Variants in CHODL observed in about 807,000 individuals in gnomAD.
CHODL encodes the protein chondrolectin.
In CHODL, 29 loss-of-function variants were observed where a neutral mutation model predicts 34.5. The ratio of observed to expected loss-of-function variants is 0.84; its 90% confidence interval spans 0.63 to 1.15. The LOEUF (loss-of-function observed/expected upper bound fraction) is 1.15, where lower values mean the gene tolerates loss of function less well. Among genes scored for constraint, CHODL ranks in the 50% most tolerant of loss-of-function variants. The pLI, the probability that CHODL is intolerant of heterozygous loss-of-function variation, is 0.00. For missense variants in CHODL, 332 were observed against 332.5 expected, an observed-to-expected ratio of 1.00 and a Z score of 0.01; for synonymous variants, 125 against 116.1, an observed-to-expected ratio of 1.08 and a Z score of -0.49.
rs1177005708 is a variant in CHODL, at chr21:18,171,198, G to GTTTTTTTTTTTTTTTTT, written c.-44-85308_-44-85292dup. ...TGTTCTTCAGACATGGTTTTCTTTA[G>GTTTTTTTTTTTTTTTTT]TTTTTTTTTTTTTTTTTTTGAGACG... On this transcript the variant is annotated intron_variant, in intron 2 of 6. Transcript: ENST00000400127. Among the ~76,000 whole-genome samples the GTTTTTTTTTTTTTTTTT allele has an allele frequency of 1.3e-4, 5 of 37,082 alleles. 2 individuals carry two copies. The highest frequency in any genetic ancestry group is 6.5e-4 in the Admixed American group (1 of 1,550). 24.3% of individuals were successfully genotyped at this position (37,082 alleles called of 152,430 possible).
At chr21:17,940,644 C>T (rs2063354977) in intron 1 of CHODL, among the ~76,000 whole-genome samples, 1 of 152,194 alleles carries the variant, frequency 6.6e-6, no homozygotes, top group Non-Finnish European at 1.5e-5. Context: ...TAAAGCTATA[C>T]ATTTATATTT....
At chr21:18,131,826 C>G (rs1001333240) in intron 2 of CHODL, among the ~76,000 whole-genome samples, 3 of 152,040 alleles carry the variant, frequency 2.0e-5, no homozygotes, top group African/African-American at 7.2e-5. Flanking sequence ...TTTTCCTGCT[C>G]TTCTTTTTTT....
At position 18,046,844 on chromosome 21, in the gene CHODL, G is replaced by A. The variant is rs114371105; in HGVS notation, c.-45+18873G>A. 7.0e-3 allele frequency among the ~76,000 whole-genome samples: 1,062 copies of A among 152,002 alleles called. 7 individuals carry two copies. Among genetic ancestry groups the A allele is most frequent in the African/African-American group, 0.023 (970 of 41,486 alleles). On this transcript the variant is annotated intron_variant, in intron 2 of 6. Coordinates refer to the CHODL transcript ENST00000400127. ...ACTCCATCAATTTATCACTGCGGTC[G>A]TTAGTTCTTGCCTTCATTTATTGTT...
rs139173903 is a variant in CHODL, at chr21:18,216,245, C to T, written c.-44-40264C>T. Among the ~76,000 whole-genome samples, 1,295 of 152,082 alleles carry T rather than the reference C, an allele frequency of 8.5e-3. 28 individuals are homozygous for T. Among genetic ancestry groups the T allele is most frequent in the African/African-American group, 0.03 (1,232 of 41,484 alleles). ...GATTAAATCAGGGTGATTGGAATAT[C>T]CATTACTTCAAATATTTATCATTTC... is the stretch of plus-strand genomic sequence containing the variant. On this transcript the variant is annotated intron_variant, in intron 2 of 6. Transcript: ENST00000400127.
intron 2 of CHODL, among the ~76,000 whole-genome samples, chr21:18,047,077 G>A (rs2064452641): frequency 6.6e-6 from 1 of 151,938 alleles, no homozygotes; most frequent in African/African-American, 2.4e-5. Flanking sequence ...CCACCAAGTA[G>A]AAGAAATGCA....
At chr21:17,948,691 C>T (rs916379554) in intron 1 of CHODL, among the ~76,000 whole-genome samples, 7 of 152,084 alleles carry the variant, frequency 4.6e-5, no homozygotes, top group Non-Finnish European at 1.0e-4. Context: ...TACAATCTAT[C>T]AAGACTGAAT....
intron 1 of CHODL, among the ~76,000 whole-genome samples, chr21:17,984,285 A>G (rs1019695973): frequency 2.0e-5 from 3 of 152,184 alleles, no homozygotes; most frequent in African/African-American, 4.8e-5. Flanking sequence ...TTTATCTGTC[A>G]ATGGACACTA....
chr21:18,044,962 C>T (rs1290827490), intron 2 of CHODL, among the ~76,000 whole-genome samples: 1 of 151,820 alleles, frequency 6.6e-6, no homozygotes, highest in Non-Finnish European at 1.5e-5. Flanking sequence ...TGTCGTTATG[C>T]AGATGCATGT....
At chr21:18,013,710 C>G (rs1459451562) in intron 1 of CHODL, among the ~76,000 whole-genome samples, 2 of 131,898 alleles carry the variant, frequency 1.5e-5, no homozygotes, top group Admixed American at 1.7e-4. Context: ...TCTCGGTTCA[C>G]TGCAACCTCT....
chr21:18,106,845 T>C (rs2065279390), intron 2 of CHODL, among the ~76,000 whole-genome samples: 2 of 152,206 alleles, frequency 1.3e-5, no homozygotes, highest in Admixed American at 1.3e-4. Context: ...CACTAGGAGT[T>C]AGAACACCAA....
At chr21:18,265,229 A>ATG (rs1568965926) in intron 5 of CHODL, among the ~76,000 whole-genome samples, 4 of 145,818 alleles carry the variant, frequency 2.7e-5, no homozygotes, top group African/African-American at 1.0e-4. Context: ...GTATATATAT[A>ATG]TGTGTGTATA....
At chr21:18,183,294 C>T (rs1462055889) in intron 2 of CHODL, among the ~76,000 whole-genome samples, 2 of 152,138 alleles carry the variant, frequency 1.3e-5, no homozygotes, top group Non-Finnish European at 2.9e-5. Flanking sequence ...CAACCTATGC[C>T]AAACTGTCCT....
At chr21:17,974,371 C>T (rs2063644368) in intron 1 of CHODL, among the ~76,000 whole-genome samples, 1 of 152,006 alleles carries the variant, frequency 6.6e-6, no homozygotes, top group African/African-American at 2.4e-5. Flanking sequence ...CTCCTGGGTT[C>T]AAACAATTCT....
chr21:18,005,968 G>C (rs1014938304), intron 1 of CHODL, among the ~76,000 whole-genome samples: 1 of 152,220 alleles, frequency 6.6e-6, no homozygotes, highest in African/African-American at 2.4e-5. Flanking sequence ...CCACGGGGAA[G>C]TGACTGAATT....
At chr21:18,250,257 A>T (rs1243228790) in intron 1 of CHODL, among the ~76,000 whole-genome samples, 1 of 152,030 alleles carries the variant, frequency 6.6e-6, no homozygotes, top group Non-Finnish European at 1.5e-5. Context: ...ATGAACTCTT[A>T]AGTCACAATG....
chr21:18,076,296 T>C (rs1414215547), intron 2 of CHODL, among the ~76,000 whole-genome samples: 1 of 152,200 alleles, frequency 6.6e-6, no homozygotes, highest in Non-Finnish European at 1.5e-5. Flanking sequence ...TGATGAGATC[T>C]CAAATGGAAA....
chr21:18,152,421 C>T (rs1485070347), intron 2 of CHODL, among the ~76,000 whole-genome samples: 1 of 152,214 alleles, frequency 6.6e-6, no homozygotes, highest in East Asian at 1.9e-4. Context: ...TCCTCAGGAC[C>T]TCACGAGGCT....
At chr21:18,116,516 T>C (rs78861532) in intron 2 of CHODL, among the ~76,000 whole-genome samples, 1,945 of 152,308 alleles carry the variant, frequency 0.013, 41 homozygotes, top group African/African-American at 0.042. Flanking sequence ...CTATGTTAAT[T>C]GAAGATTGGG....
intron 2 of CHODL, among the ~76,000 whole-genome samples, chr21:18,232,941 T>TTTTATATATA (rs752640406): frequency 1.4e-4 from 14 of 97,606 alleles, no homozygotes; most frequent in African/African-American, 5.3e-4. Flanking sequence ...CATGATGTTA[T>TTTTATATATA]GATATATATA....
Sources: allele counts gnomAD v4.1 joint callset (sites outside exome capture counted in the v4.1 genomes callset), GRCh38; gene constraint gnomAD v4.1.1; transcripts MANE v1.5; gene names NCBI Gene and HGNC (gene_info 2026-07-23, HGNC 2026-07-21).